Variants in ME1 observed in about 807,000 individuals in gnomAD.
ME1 encodes the protein malic enzyme 1, also known as NADP-dependent malic enzyme.
Under a neutral mutation model 66.4 loss-of-function variants are expected in ME1, and 74 were observed. The ratio of observed to expected loss-of-function variants is 1.11; its 90% CI spans 0.92 to 1.35. The LOEUF is 1.35. Ranked by LOEUF, ME1 falls within the 40% of genes most tolerant of loss-of-function variation. The pLI, the probability that ME1 is intolerant of heterozygous loss-of-function variation, is 0.00. For synonymous variants in ME1, 251 were observed against 235.6 expected (o/e 1.07, Z -0.60); for missense variants, 750 against 694.1 (o/e 1.08, Z -0.90).
intron 1 of ME1, among the ~76,000 whole-genome samples, chr6:83,417,825 A>C (rs1012925346): frequency 5.3e-5 from 8 of 152,230 alleles, no homozygotes; most frequent in African/African-American, 1.9e-4. Flanking sequence ...AAAGAGGAAT[A>C]TATCTTACAA....
Position 83,261,024 on chromosome 6 carries a change from G to A in ME1, c.705-7286C>T, listed in dbSNP as rs376427518. Among the ~76,000 whole-genome samples, 8 of 152,214 alleles carry A rather than the reference G, an allele frequency of 5.3e-5. No homozygotes were observed. The South Asian group carries it at 1.7e-3, about 32-fold the overall frequency. On this transcript the variant is annotated intron_variant, in intron 6 of 13. Coordinates refer to ENST00000369705, the MANE Select transcript of ME1 (RefSeq NM_002395.6). ...ATGGTACTTCTGCTTTTATTTCTTT[G>A]AGGAATCTCCATACTGCTTCCACAA...
At chr6:83,323,632 A>C (rs1768226447) in intron 5 of ME1, among the ~76,000 whole-genome samples, 1 of 152,228 alleles carries the variant, frequency 6.6e-6, no homozygotes, top group Non-Finnish European at 1.5e-5. Context: ...CAACAAGAAG[A>C]ACTAAGTATC....
intron 6 of ME1, among the ~76,000 whole-genome samples, chr6:83,264,963 A>G (rs1465257914): frequency 6.6e-6 from 1 of 152,236 alleles, no homozygotes; most frequent in Non-Finnish European, 1.5e-5. Flanking sequence ...TACTGTGGAT[A>G]TAATGCTGTC....
intron 3 of ME1, among the ~76,000 whole-genome samples, chr6:83,369,499 TC>T: frequency 6.6e-6 from 1 of 152,004 alleles, no homozygotes; most frequent in East Asian, 1.9e-4. Context: ...TATAACACCT[TC>T]CATTTTCAAA....
At chr6:83,361,908 G>A (rs1003700187) in intron 3 of ME1, among the ~76,000 whole-genome samples, 10 of 152,168 alleles carry the variant, frequency 6.6e-5, no homozygotes, top group South Asian at 2.1e-4. Context: ...AGTGGCTCAC[G>A]TGTCCATGGT....
chr6:83,295,997 A>C (rs752351047), intron 6 of ME1, among the ~76,000 whole-genome samples: 2 of 152,146 alleles, frequency 1.3e-5, no homozygotes, highest in Non-Finnish European at 2.9e-5. Flanking sequence ...ACAGACCAAT[A>C]ATGAGCGCCA....
chr6:83,397,449 C>T (rs938860116), intron 3 of ME1, among the ~76,000 whole-genome samples: 2 of 152,074 alleles, frequency 1.3e-5, no homozygotes, highest in African/African-American at 2.4e-5. Flanking sequence ...CTTGTTAGAA[C>T]GGCTATACCA....
intron 6 of ME1, among the ~76,000 whole-genome samples, chr6:83,261,535 G>T (rs1302583459): frequency 6.8e-6 from 1 of 147,750 alleles, no homozygotes; most frequent in Non-Finnish European, 1.5e-5. Context: ...ATCTTTGCCT[G>T]TTCCTATGTT....
intron 1 of ME1, among the ~76,000 whole-genome samples, chr6:83,408,282 C>A (rs1265435824): frequency 6.6e-6 from 1 of 152,030 alleles, no homozygotes; most frequent in Non-Finnish European, 1.5e-5. Context: ...AGTAAGTCAC[C>A]TGTGACCTGC....
At chr6:83,327,077 A>T (rs1768308655) in intron 5 of ME1, among the ~76,000 whole-genome samples, 1 of 152,182 alleles carries the variant, frequency 6.6e-6, no homozygotes, top group African/African-American at 2.4e-5. Context: ...GATTTCATGG[A>T]CACTTATCAC....
chr6:83,331,089 AC>A lies in ME1; in HGVS notation c.600+15083del, dbSNP rs552023653. Among the ~76,000 whole-genome samples, 5 of 152,282 alleles carry A rather than the reference AC, an allele frequency of 3.3e-5. No individual in the cohort carries two copies. In the South Asian group the frequency reaches 1.0e-3, roughly 32 times the overall value. On this transcript the variant is annotated intron_variant, in intron 5 of 13. Coordinates refer to ENST00000369705, the MANE Select transcript of ME1 (RefSeq NM_002395.6). The stretch of plus-strand genomic sequence containing the variant: ...AATAAGCAAAGAATACGCAGAAATC[AC>A]ATTCTCCTACTCATTCTGCCCGTGA...
intron 3 of ME1, chr6:83,393,513 C>A: frequency 2.8e-6 from 1 of 352,078 alleles, no homozygotes; most frequent in South Asian, 5.6e-5. Flanking sequence ...CTGAGAATCT[C>A]CCCTCCTCAT....
rs1769548053 is a variant in ME1, at chr6:83,388,091, C to CTTCCTTTTTTTTTTT, written c.362+10275_362+10276insAAAAAAAAAAAGGAA. On this transcript the variant is annotated intron_variant, in intron 3 of 13. Coordinates refer to ENST00000369705, the MANE Select transcript of ME1 (RefSeq NM_002395.6). Reference sequence around the variant, plus strand: ...TCTTCCTTCTTTCCTTCCTTCCTTCCTTTTTTTTTTTGGACAGGATCTCAC... The same window carrying CTTCCTTTTTTTTTTT: ...TCTTCCTTCTTTCCTTCCTTCCTTCCTTCCTTTTTTTTTTTTTTTTTTTTTTGGACAGGATCTCAC... 5.2e-5 allele frequency among the ~76,000 whole-genome samples: 7 copies of CTTCCTTTTTTTTTTT among 133,404 alleles called. No individual in the cohort carries two copies. The South Asian group carries it at 1.4e-3, about 27-fold the overall frequency. The allele number at this position is 133,404 out of a possible 152,430, so 87.5% of individuals were successfully genotyped here.
chr6:83,361,482 G>A (rs1040737215), intron 3 of ME1, among the ~76,000 whole-genome samples: 1 of 152,210 alleles, frequency 6.6e-6, no homozygotes, highest in Non-Finnish European at 1.5e-5. Flanking sequence ...ACAGGTCCAG[G>A]CTGCTGTGCC....
At chr6:83,233,888 C>T (rs1267382988) in intron 9 of ME1, among the ~76,000 whole-genome samples, 1 of 151,882 alleles carries the variant, frequency 6.6e-6, no homozygotes, top group Non-Finnish European at 1.5e-5. Flanking sequence ...AGGATTTTGA[C>T]TGTTTAAAAG....
At chr6:83,356,061 AC>A (rs1768883570) in intron 3 of ME1, among the ~76,000 whole-genome samples, 1 of 152,118 alleles carries the variant, frequency 6.6e-6, no homozygotes, top group African/African-American at 2.4e-5. Flanking sequence ...TAATATTCTT[AC>A]TTCTTCATGT....
At chr6:83,290,578 G>T (rs992366717) in intron 6 of ME1, among the ~76,000 whole-genome samples, 7 of 152,166 alleles carry the variant, frequency 4.6e-5, no homozygotes, top group African/African-American at 7.2e-5. Flanking sequence ...GTGTATGGTG[G>T]TGCTGAGAAG....
chr6:83,347,717 C>T (rs1019202713), intron 4 of ME1, among the ~76,000 whole-genome samples: 8 of 152,074 alleles, frequency 5.3e-5, no homozygotes, highest in African/African-American at 1.9e-4. Context: ...GTACCTGGTA[C>T]ATTACAAATT....
At chr6:83,365,074 G>A (rs772497225) in intron 3 of ME1, among the ~76,000 whole-genome samples, 8 of 152,160 alleles carry the variant, frequency 5.3e-5, no homozygotes, top group Admixed American at 2.0e-4. Context: ...CACACCCTGA[G>A]GCAGGCCACC....
Sources: allele counts gnomAD v4.1 joint callset (sites outside exome capture counted in the v4.1 genomes callset), GRCh38; gene constraint gnomAD v4.1.1; transcripts MANE v1.5; gene names NCBI Gene and HGNC (gene_info 2026-07-23, HGNC 2026-07-21).